CTNND2: variants seen among roughly 807,000 people sequenced by gnomAD.
CTNND2 encodes catenin delta-2.
A neutral mutation model predicts 144.4 loss-of-function variants in CTNND2; 22 were observed. That is an observed-to-expected ratio of 0.15 (90% CI 0.11 to 0.22). The LOEUF (loss-of-function observed/expected upper bound fraction) is 0.22, where lower values mean the gene tolerates loss of function less well. Ranked by LOEUF, CTNND2 falls within the 10% of genes least tolerant of loss-of-function variation. CTNND2 has a pLI of 1.00. For synonymous variants in CTNND2, 751 were observed against 695.6 expected (o/e 1.08, Z -1.25); for missense variants, 1,353 against 1,618.8 (o/e 0.84, Z 2.82).
intron 2 of CTNND2, among the ~76,000 whole-genome samples, chr5:11,630,244 T>G (rs187971544): frequency 6.6e-6 from 1 of 152,288 alleles, no homozygotes; most frequent in East Asian, 1.9e-4. Flanking sequence ...ACCCATACAG[T>G]GCTGTGACAA....
intron 16 of CTNND2, among the ~76,000 whole-genome samples, chr5:11,067,296 T>C (rs1392611889): frequency 6.6e-6 from 1 of 152,250 alleles, no homozygotes; most frequent in Non-Finnish European, 1.5e-5. Flanking sequence ...GGTAATACTC[T>C]AGCATTTTTG....
At chr5:11,773,325 A>G (rs1790054378) in intron 1 of CTNND2, among the ~76,000 whole-genome samples, 1 of 152,238 alleles carries the variant, frequency 6.6e-6, no homozygotes, top group Non-Finnish European at 1.5e-5. Context: ...CACAATTAGT[A>G]ATGATGCAAA....
At position 11,076,346 on chromosome 5, in the gene CTNND2, G is replaced by T. The variant is rs557270536; in HGVS notation, c.2788+6350C>A. 4.6e-5 allele frequency among the ~76,000 whole-genome samples: 7 copies of T among 152,274 alleles called. No homozygotes were observed. In the South Asian group the frequency reaches 1.5e-3, roughly 32 times the overall value. On this transcript the variant is annotated intron_variant, in intron 16 of 21. Coordinates refer to ENST00000304623, the MANE Select transcript of CTNND2 (RefSeq NM_001332.4). ...TTGAGTTTGTTTTGTTGGCAGAGAG[G>T]ATGGGATTTGCCTAAAATAAGTGTC...
At chr5:11,023,100 T>C in intron 16 of CTNND2, 121 bp from the exon 17 acceptor site, 1 of 789,942 alleles carries the variant, frequency 1.3e-6, no homozygotes. Context: ...AATTGTTTGT[T>C]TCCCATCACT....
Position 11,610,938 on chromosome 5 carries a change from T to G in CTNND2, c.175-45882A>C, listed in dbSNP as rs117936363. Reference sequence around the variant, plus strand: ...ATAGATGGTAATCTGGAGTCAAGATTTAGGATAAAATCTAAAGTCTAAGTC... The same window carrying G: ...ATAGATGGTAATCTGGAGTCAAGATGTAGGATAAAATCTAAAGTCTAAGTC... On this transcript the variant is annotated intron_variant, in intron 2 of 21. Transcript: ENST00000304623. Among the ~76,000 whole-genome samples, 9 of 152,240 alleles carry G rather than the reference T, an allele frequency of 5.9e-5. No individual in the cohort carries two copies. The East Asian group carries it at 1.7e-3, about 29-fold the overall frequency.
intron 7 of CTNND2, among the ~76,000 whole-genome samples, chr5:11,369,780 A>G (rs940879404): frequency 2.0e-5 from 3 of 150,662 alleles, no homozygotes; most frequent in Non-Finnish European, 2.9e-5. Flanking sequence ...GTGTTGGGAT[A>G]GGGGGATCAA....
At chr5:11,868,280 G>T (rs763000991) in intron 1 of CTNND2, among the ~76,000 whole-genome samples, 7 of 152,146 alleles carry the variant, frequency 4.6e-5, no homozygotes, top group Non-Finnish European at 1.0e-4. Flanking sequence ...CCAGGGTGGT[G>T]ATTGGGGTGT....
At chr5:11,233,180 T>C (rs1470615716) in intron 10 of CTNND2, among the ~76,000 whole-genome samples, 1 of 152,170 alleles carries the variant, frequency 6.6e-6, no homozygotes, top group Non-Finnish European at 1.5e-5. Context: ...ACTGAGGAGA[T>C]GGTCTTAAAT....
chr5:11,529,518 G>A (rs1218219550), intron 3 of CTNND2, among the ~76,000 whole-genome samples: 3 of 152,028 alleles, frequency 2.0e-5, no homozygotes, highest in Non-Finnish European at 4.4e-5. Flanking sequence ...AAAAACTCAC[G>A]GGAAAAAAAA....
intron 2 of CTNND2, among the ~76,000 whole-genome samples, chr5:11,613,752 T>C (rs1422510720): frequency 6.6e-6 from 1 of 152,188 alleles, no homozygotes; most frequent in Non-Finnish European, 1.5e-5. Flanking sequence ...GTCCTCAAGC[T>C]GGGTAAAGCT....
At chr5:11,423,166 G>A (rs759266244) in intron 3 of CTNND2, among the ~76,000 whole-genome samples, 1 of 152,200 alleles carries the variant, frequency 6.6e-6, no homozygotes. Flanking sequence ...ATAATATACA[G>A]TGTTTTGAAG....
At chr5:11,696,850 C>G (rs1785162128) in intron 2 of CTNND2, among the ~76,000 whole-genome samples, 1 of 152,318 alleles carries the variant, frequency 6.6e-6, no homozygotes, top group Middle Eastern at 3.4e-3. Flanking sequence ...TGGGCTTTAT[C>G]TGATTTCACA....
At chr5:11,058,425 C>G (rs774614651) in intron 16 of CTNND2, among the ~76,000 whole-genome samples, 1 of 152,250 alleles carries the variant, frequency 6.6e-6, no homozygotes, top group East Asian at 1.9e-4. Flanking sequence ...AGCCCCAAGC[C>G]TTGGCAGCTC....
chr5:11,717,669 C>T (rs536652593), intron 2 of CTNND2, among the ~76,000 whole-genome samples: 4 of 151,792 alleles, frequency 2.6e-5, no homozygotes, highest in African/African-American at 9.7e-5. Context: ...GGAGGCCTCA[C>T]AATCATGGCA....
At chr5:11,446,784 A>G (rs896741392) in intron 3 of CTNND2, among the ~76,000 whole-genome samples, 1 of 152,168 alleles carries the variant, frequency 6.6e-6, no homozygotes, top group African/African-American at 2.4e-5. Context: ...CAGAAGGAGC[A>G]AGTGGCAGGC....
chr5:11,513,848 T>G (rs1001144416), intron 3 of CTNND2, among the ~76,000 whole-genome samples: 1 of 152,032 alleles, frequency 6.6e-6, no homozygotes, highest in African/African-American at 2.4e-5. Flanking sequence ...GAGAGAGAGA[T>G]AATATTAACA....
chr5:11,212,282 A>G lies in CTNND2; in HGVS notation c.1762-12621T>C, dbSNP rs61751772. On this transcript the variant is annotated intron_variant, in intron 10 of 21. Transcript: ENST00000304623. Reference sequence around the variant, plus strand: ...CACACAGGAACAAATACAGTGTATGAAGCCCACAGGAAAGTCACAAAACCA... The same window carrying G: ...CACACAGGAACAAATACAGTGTATGGAGCCCACAGGAAAGTCACAAAACCA... Among the ~76,000 whole-genome samples the G allele has an allele frequency of 2.3e-3, 351 of 152,338 alleles. 2 individuals carry two copies. The highest frequency in any genetic ancestry group is 8.3e-3 in the African/African-American group (344 of 41,584).
intron 3 of CTNND2, among the ~76,000 whole-genome samples, chr5:11,470,980 A>ATATATTTATT (rs1219093645): frequency 1.1e-5 from 1 of 91,582 alleles, no homozygotes; most frequent in Non-Finnish European, 2.0e-5. Context: ...ATATATATAT[A>ATATATTTATT]TTTTTTTTTT....
intron 10 of CTNND2, among the ~76,000 whole-genome samples, chr5:11,215,395 C>A (rs1323898944): frequency 7.2e-5 from 11 of 152,192 alleles, no homozygotes; most frequent in Admixed American, 2.0e-4. Context: ...GTATAAAATG[C>A]CTCTGCCCTA....
Sources: allele counts gnomAD v4.1 joint callset (sites outside exome capture counted in the v4.1 genomes callset), GRCh38; gene constraint gnomAD v4.1.1; transcripts MANE v1.5; gene names NCBI Gene and HGNC (gene_info 2026-07-23, HGNC 2026-07-21).